The following PICALM variants were observed in gnomAD, a reference collection of about 807,000 sequenced individuals.
The protein encoded by PICALM is phosphatidylinositol-binding clathrin assembly protein.
In PICALM, 40 loss-of-function variants were observed where a neutral mutation model predicts 80.5. That is an observed-to-expected ratio of 0.50 (90% confidence interval 0.39 to 0.65). The LOEUF is 0.65. Among genes scored for constraint, PICALM ranks in the 30% least tolerant of loss-of-function variants. PICALM has a pLI of 0.00. For missense variants in PICALM, 676 were observed against 778.9 expected (o/e 0.87, Z 1.57); for synonymous variants, 288 against 260.3 (o/e 1.11, Z -1.02).
At chr11:86,019,789 GT>G (rs1485391633) in intron 4 of PICALM, among the ~76,000 whole-genome samples, 2 of 152,092 alleles carry the variant, frequency 1.3e-5, no homozygotes, top group African/African-American at 4.8e-5. Context: ...TAACTAAGAG[GT>G]TACCTCTATA....
intron 19 of PICALM, among the ~76,000 whole-genome samples, chr11:85,972,608 C>T (rs1463330738): frequency 6.6e-6 from 1 of 152,120 alleles, no homozygotes; most frequent in Non-Finnish European, 1.5e-5. Flanking sequence ...AATCAAGATG[C>T]AGAGTGGGTG....
At chr11:86,006,609 T>G (rs1471291135) in intron 8 of PICALM, among the ~76,000 whole-genome samples, 1 of 152,156 alleles carries the variant, frequency 6.6e-6, no homozygotes, top group East Asian at 1.9e-4. Flanking sequence ...ATCATGCCAC[T>G]GCACTCTAGC....
chr11:85,981,666 C>A, intron 16 of PICALM, 79 bp downstream of exon 16: 1 of 1,117,888 alleles, frequency 8.9e-7, no homozygotes, highest in Non-Finnish European at 1.3e-6. Flanking sequence ...AGAGGAAAGC[C>A]AAATCAACCC....
intron 1 of PICALM, among the ~76,000 whole-genome samples, chr11:86,037,291 ACTCT>A (rs1312869553): frequency 9.3e-6 from 1 of 107,580 alleles, no homozygotes. Context: ...ACGGAGTCTC[ACTCT>A]ATCGCCCAGG....
At chr11:86,065,242 T>C (rs1194098295) in intron 1 of PICALM, among the ~76,000 whole-genome samples, 2 of 152,062 alleles carry the variant, frequency 1.3e-5, no homozygotes, top group African/African-American at 4.8e-5. Context: ...GGTCAAGAGA[T>C]CCAGACCATC....
At chr11:85,970,545 G>A (rs191131979) in intron 19 of PICALM, among the ~76,000 whole-genome samples, 1 of 152,352 alleles carries the variant, frequency 6.6e-6, no homozygotes, top group Admixed American at 6.5e-5. Context: ...GCTGGACACA[G>A]TGGCTCACAC....
At chr11:86,007,073 C>T (rs981878359) in intron 8 of PICALM, among the ~76,000 whole-genome samples, 4 of 152,016 alleles carry the variant, frequency 2.6e-5, no homozygotes, top group African/African-American at 7.3e-5. Flanking sequence ...GAAATTTCGA[C>T]GTATCCCAAA....
intron 12 of PICALM, among the ~76,000 whole-genome samples, chr11:85,996,290 T>A (rs1024577206): frequency 5.9e-5 from 9 of 152,122 alleles, no homozygotes; most frequent in African/African-American, 1.9e-4. Flanking sequence ...AAGGGGAAAA[T>A]TCTTTGACTA....
chr11:85,961,823 T>C (rs1194391811), intron 19 of PICALM, among the ~76,000 whole-genome samples: 2 of 152,084 alleles, frequency 1.3e-5, no homozygotes, highest in Non-Finnish European at 2.9e-5. Context: ...AGGATTTCTT[T>C]GCTGGTGCCA....
chr11:86,043,718 A>G (rs544361004), intron 1 of PICALM, among the ~76,000 whole-genome samples: 54 of 152,174 alleles, frequency 3.5e-4, no homozygotes, highest in Non-Finnish European at 7.2e-4. Flanking sequence ...GATCCAGGAG[A>G]CAGAAGTAAG....
intron 12 of PICALM, among the ~76,000 whole-genome samples, chr11:85,995,699 A>G (rs559216858): frequency 2.1e-3 from 323 of 152,322 alleles, no homozygotes; most frequent in Non-Finnish European, 2.0e-3. Flanking sequence ...GGTCATGTTA[A>G]TTCTACTAAC....
intron 1 of PICALM, among the ~76,000 whole-genome samples, chr11:86,040,260 G>T (rs1177106989): frequency 6.6e-6 from 1 of 152,144 alleles, no homozygotes; most frequent in Non-Finnish European, 1.5e-5. Context: ...ATACATGAAT[G>T]TAAAATGAGT....
At chr11:86,028,472 C>T (rs2095688949) in intron 2 of PICALM, among the ~76,000 whole-genome samples, 1 of 152,082 alleles carries the variant, frequency 6.6e-6, no homozygotes. Flanking sequence ...ATAATAAATC[C>T]ATGCTTGGTA....
In PICALM at chr11:86,038,830, A is replaced by G. The variant is rs186369813; in HGVS notation, c.131-7219T>C. On this transcript the variant is annotated intron_variant, in intron 1 of 19. Transcript: ENST00000393346. ...CTATCTTAACGTTTAAAAATAAAAG[A>G]CCAGGTGCAGTGGCTCATGCCTGTA... Among the ~76,000 whole-genome samples, 8 of 151,248 alleles carry G rather than the reference A, an allele frequency of 5.3e-5. No individual in the cohort carries two copies. In the East Asian group the frequency reaches 1.6e-3, roughly 30 times the overall value.
chr11:85,979,518 A>G (rs1307757955), intron 17 of PICALM, among the ~76,000 whole-genome samples: 2 of 152,050 alleles, frequency 1.3e-5, no homozygotes, highest in African/African-American at 4.8e-5. Flanking sequence ...AAATAATAAA[A>G]TTAGTGATGG....
At chr11:85,970,042 A>T (rs1363325065) in intron 19 of PICALM, among the ~76,000 whole-genome samples, 1 of 152,214 alleles carries the variant, frequency 6.6e-6, no homozygotes, top group Non-Finnish European at 1.5e-5. Context: ...AGGTAAGTTT[A>T]CAAGGTGATT....
intron 8 of PICALM, among the ~76,000 whole-genome samples, chr11:86,005,068 TG>T (rs1157922803): frequency 1.3e-5 from 2 of 152,172 alleles, no homozygotes; most frequent in African/African-American, 4.8e-5. Flanking sequence ...ACTGAATCTA[TG>T]AAGTAGACAC....
intron 13 of PICALM, among the ~76,000 whole-genome samples, chr11:85,988,979 C>T (rs1037178757): frequency 6.6e-6 from 1 of 152,190 alleles, no homozygotes; most frequent in Non-Finnish European, 1.5e-5. Context: ...CTTTCACAGA[C>T]ACTCACATAT....
At chr11:86,029,421 A>G (rs1487338492) in intron 2 of PICALM, among the ~76,000 whole-genome samples, 2 of 152,214 alleles carry the variant, frequency 1.3e-5, no homozygotes, top group Non-Finnish European at 2.9e-5. Flanking sequence ...AAACCAGCAT[A>G]AAAAATGAAC....
Sources: gnomAD v4.1 joint callset for allele counts (sites outside exome capture counted in the v4.1 genomes callset) on GRCh38, gnomAD v4.1.1 for gene constraint, MANE v1.5 for transcripts, NCBI Gene and HGNC (gene_info 2026-07-23, HGNC 2026-07-21) for gene names.